The following CTNNA3 variants were observed in gnomAD, a reference collection of about 807,000 sequenced individuals.
The protein encoded by CTNNA3 is catenin alpha-3.
CTNNA3 carries 76 observed loss-of-function variants against 95.7 expected under a neutral mutation model. That is an observed-to-expected ratio of 0.79 (90% confidence interval 0.66 to 0.96). The LOEUF (loss-of-function observed/expected upper bound fraction) is 0.96. CTNNA3 is among the 40% of genes least tolerant of loss of function. CTNNA3 has a pLI of 0.00. For synonymous variants in CTNNA3, 431 were observed against 374.4 expected (o/e 1.15, Z -1.74); for missense variants, 1,191 against 1,089.8 (o/e 1.09, Z -1.31).
At chr10:67,508,505 A>T (rs1839500543) in intron 5 of CTNNA3, among the ~76,000 whole-genome samples, 1 of 152,198 alleles carries the variant, frequency 6.6e-6, no homozygotes, top group Non-Finnish European at 1.5e-5. Flanking sequence ...ACAAAATTTA[A>T]CTCAAAATGG....
intron 1 of CTNNA3, among the ~76,000 whole-genome samples, chr10:67,673,458 T>C (rs1840479276): frequency 6.6e-6 from 1 of 151,972 alleles, no homozygotes; most frequent in Non-Finnish European, 1.5e-5. Context: ...AGGGAATGCT[T>C]CCAGTGTTTG....
intron 2 of CTNNA3, among the ~76,000 whole-genome samples, chr10:67,631,407 A>T (rs1839139724): frequency 6.6e-6 from 1 of 152,216 alleles, no homozygotes. Context: ...CAGAAGTTAG[A>T]GTGACATAAT....
Position 67,024,292 on chromosome 10 carries a change from T to A in CTNNA3, c.1047+156025A>T, listed in dbSNP as rs565535563. On this transcript the variant is annotated intron_variant, in intron 7 of 17. Transcript: ENST00000433211. ...TCATTGTGTTCTCGTAGAGTCTGAC[T>A]TTACTGCTTCTGTCTTTATATTTTT... Among the ~76,000 whole-genome samples, 238 of 152,322 alleles carry A rather than the reference T, an allele frequency of 1.6e-3. 1 individual carries two copies. The highest frequency in any genetic ancestry group is 3.1e-3 in the Non-Finnish European group (210 of 68,022).
intron 9 of CTNNA3, among the ~76,000 whole-genome samples, chr10:66,667,939 G>A (rs1589097884): frequency 6.6e-6 from 1 of 152,056 alleles, no homozygotes; most frequent in East Asian, 1.9e-4. Flanking sequence ...AGTGCCCACA[G>A]CTGCCCATTA....
chr10:67,023,502 G>A (rs975478561), intron 7 of CTNNA3, among the ~76,000 whole-genome samples: 1 of 152,090 alleles, frequency 6.6e-6, no homozygotes, highest in Admixed American at 6.6e-5. Flanking sequence ...TTATTTAATA[G>A]AATAGCTCTA....
At chr10:67,716,022 T>C (rs1272294734) in intron 1 of CTNNA3, among the ~76,000 whole-genome samples, 1 of 152,192 alleles carries the variant, frequency 6.6e-6, no homozygotes, top group Non-Finnish European at 1.5e-5. Context: ...AGCAGGACCT[T>C]TACTATAAGG....
At chr10:66,868,265 T>C (rs1004965049) in intron 7 of CTNNA3, among the ~76,000 whole-genome samples, 1 of 151,022 alleles carries the variant, frequency 6.6e-6, no homozygotes, top group African/African-American at 2.4e-5. Flanking sequence ...CTCCGGAGGC[T>C]GAGGCTGGAG....
At chr10:66,004,736 A>C (rs1348177759) in intron 15 of CTNNA3, among the ~76,000 whole-genome samples, 1 of 152,214 alleles carries the variant, frequency 6.6e-6, no homozygotes, top group East Asian at 1.9e-4. Context: ...AAATTCTTGC[A>C]TCACCCTAAG....
chr10:67,034,299 T>C (rs974465104), intron 7 of CTNNA3, among the ~76,000 whole-genome samples: 2 of 152,188 alleles, frequency 1.3e-5, no homozygotes, highest in African/African-American at 2.4e-5. Flanking sequence ...CAATCATTTA[T>C]TCAGTCATTC....
At chr10:65,960,269 G>T (rs1361667742) in intron 17 of CTNNA3, among the ~76,000 whole-genome samples, 1 of 150,928 alleles carries the variant, frequency 6.6e-6, no homozygotes, top group African/African-American at 2.4e-5. Context: ...GGGTGCAGCG[G>T]CTCACACCTG....
At chr10:67,654,927 T>G (rs1839979423) in intron 1 of CTNNA3, among the ~76,000 whole-genome samples, 1 of 152,190 alleles carries the variant, frequency 6.6e-6, no homozygotes. Context: ...ATTCCATTCA[T>G]GAGTAAATAA....
At chr10:65,956,929 G>T (rs897805866) in intron 17 of CTNNA3, among the ~76,000 whole-genome samples, 2 of 152,124 alleles carry the variant, frequency 1.3e-5, no homozygotes, top group African/African-American at 2.4e-5. Flanking sequence ...CTGAGTTCAA[G>T]TCCTGGATAT....
chr10:67,431,710 C>G (rs762035864), intron 5 of CTNNA3, among the ~76,000 whole-genome samples: 19 of 151,906 alleles, frequency 1.3e-4, no homozygotes, highest in Non-Finnish European at 2.5e-4. Flanking sequence ...ATGAACAAAT[C>G]TCCTCTTGTT....
At chr10:66,713,798 G>C (rs1848368600) in intron 9 of CTNNA3, among the ~76,000 whole-genome samples, 1 of 151,896 alleles carries the variant, frequency 6.6e-6, no homozygotes, top group Non-Finnish European at 1.5e-5. Flanking sequence ...TTTAATTTTT[G>C]GCTTGGCTTA....
intron 13 of CTNNA3, among the ~76,000 whole-genome samples, chr10:66,269,773 T>C (rs2091236668): frequency 6.6e-6 from 1 of 152,150 alleles, no homozygotes; most frequent in South Asian, 2.1e-4. Context: ...CACTAATACA[T>C]ACACTAAGAA....
intron 7 of CTNNA3, among the ~76,000 whole-genome samples, chr10:67,033,828 T>C (rs186428062): frequency 1.0e-3 from 157 of 152,294 alleles, no homozygotes; most frequent in Non-Finnish European, 1.8e-3. Flanking sequence ...TGGAGTGCAG[T>C]GGTGCGATCT....
At chr10:67,442,959 C>A (rs1429713275) in intron 5 of CTNNA3, among the ~76,000 whole-genome samples, 1 of 114,296 alleles carries the variant, frequency 8.7e-6, no homozygotes, top group Non-Finnish European at 1.7e-5. Flanking sequence ...CCCCACCCCA[C>A]AACAGTCCCC....
chr10:67,183,331 C>A (rs936662768), intron 6 of CTNNA3, among the ~76,000 whole-genome samples: 1 of 152,088 alleles, frequency 6.6e-6, no homozygotes, highest in Non-Finnish European at 1.5e-5. Context: ...AAATGTGGCA[C>A]ATATACACCA....
rs185733422 is a variant in CTNNA3, at chr10:66,817,041, C to T, written c.1048-41517G>A. Among the ~76,000 whole-genome samples, 629 of 151,954 alleles carry T rather than the reference C, an allele frequency of 4.1e-3. 5 individuals are homozygous for T. The highest frequency in any genetic ancestry group is 0.014 in the African/African-American group (569 of 41,502). The stretch of plus-strand genomic sequence containing the variant: ...CTAAAGCAGTTCTTAAAGGGACAGC[C>T]ATAACTGTAAATGCTTATGTTAGAA... On this transcript the variant is annotated intron_variant, in intron 7 of 17. Transcript: ENST00000433211.
Sources: allele counts gnomAD v4.1 joint callset (sites outside exome capture counted in the v4.1 genomes callset), GRCh38; gene constraint gnomAD v4.1.1; transcripts MANE v1.5; gene names NCBI Gene and HGNC (gene_info 2026-07-23, HGNC 2026-07-21).